Variants in RANBP9 observed in about 807,000 individuals in gnomAD.
RANBP9 encodes the protein ran-binding protein 9.
A neutral mutation model predicts 84.3 loss-of-function variants in RANBP9; 15 were observed. The observed-to-expected ratio is 0.18, with a 90% CI of 0.12 to 0.27. The LOEUF is 0.27. Ranked by LOEUF, RANBP9 falls within the 10% of genes least tolerant of loss-of-function variation. The pLI is 1.00. For synonymous variants in RANBP9, 392 were observed against 349.6 expected (o/e 1.12, Z -1.35); for missense variants, 809 against 912.8 (o/e 0.89, Z 1.46).
chr6:13,699,133 T>A (rs1328600283), intron 1 of RANBP9, among the ~76,000 whole-genome samples: 1 of 152,056 alleles, frequency 6.6e-6, no homozygotes, highest in East Asian at 1.9e-4. Context: ...AAAAATAAAA[T>A]GTTTACACAT....
chr6:13,667,478 T>G (rs1418914378), intron 2 of RANBP9, among the ~76,000 whole-genome samples: 1 of 152,202 alleles, frequency 6.6e-6, no homozygotes. Flanking sequence ...AAAACCTATT[T>G]ACAGTGATGT....
chr6:13,676,348 A>G (rs893127896), intron 2 of RANBP9, among the ~76,000 whole-genome samples: 8 of 152,122 alleles, frequency 5.3e-5, no homozygotes, highest in African/African-American at 1.9e-4. Context: ...CTGGGCCCAG[A>G]TGGCTTCAGG....
In RANBP9 at chr6:13,663,492, T is replaced by C. The variant is rs1408945244; in HGVS notation, c.684-4660A>G. Among the ~76,000 whole-genome samples, 9 of 152,202 alleles carry C rather than the reference T, an allele frequency of 5.9e-5. No homozygotes were observed. The South Asian group carries it at 1.2e-3, about 21-fold the overall frequency. On this transcript the variant is annotated intron_variant, in intron 2 of 13. Transcript: ENST00000011619. ...AACATGTATTGTGTAGTTTATAACA[T>C]ACCATAGATGTAATACATATGACAA... is the stretch of plus-strand genomic sequence containing the variant.
rs564549433 is a variant in RANBP9 at position 13,684,640 on chromosome 6, A to G, written c.683+12145T>C. Among the ~76,000 whole-genome samples the G allele has an allele frequency of 1.9e-3, 286 of 152,338 alleles. 2 individuals are homozygous for G. Among genetic ancestry groups the G allele is most frequent in the South Asian group, 3.5e-3 (17 of 4,824 alleles). ...CTCAATACCTTCACTTCTCTGATCA[A>G]TGAACATTTACTAAATATCTATGTG... On this transcript the variant is annotated intron_variant, in intron 2 of 13. Transcript: ENST00000011619.
chr6:13,703,926 C>G (rs1056151520), intron 1 of RANBP9, among the ~76,000 whole-genome samples: 14 of 152,310 alleles, frequency 9.2e-5, no homozygotes, highest in African/African-American at 2.4e-4. Context: ...TACTGTAATA[C>G]AGTCTCCTTC....
At chr6:13,653,189 G>C (rs1318694728) in intron 4 of RANBP9, among the ~76,000 whole-genome samples, 1 of 152,072 alleles carries the variant, frequency 6.6e-6, no homozygotes, top group Non-Finnish European at 1.5e-5. Context: ...TCTTATGAAA[G>C]TAAATTCTTT....
In RANBP9 at chr6:13,642,453, T is replaced by A. The variant is rs369410862; in HGVS notation, c.1225+26A>T. 1,002 of 1,287,186 alleles carry A rather than the reference T, an allele frequency of 7.8e-4. 1 individual carries two copies. Among genetic ancestry groups the A allele is most frequent in the Non-Finnish European group, 9.1e-4 (864 of 950,936 alleles). The allele number at this position is 1,287,186 out of a possible 1,614,324, so 79.7% of individuals were successfully genotyped here. A position where few individuals can be genotyped will look rare whatever the true frequency, so the allele number is the denominator to read the frequency against. On this transcript the variant is annotated intron_variant, in intron 7 of 13. Transcript: ENST00000011619. ...CAAATCTATAATCTGAAAACAAATG[T>A]TAGCCATGCACCACAGTGTCCTTAC... is the stretch of plus-strand genomic sequence containing the variant.
chr6:13,702,567 T>C (rs889066522), intron 1 of RANBP9, among the ~76,000 whole-genome samples: 8 of 152,190 alleles, frequency 5.3e-5, no homozygotes, highest in Non-Finnish European at 1.5e-5. Flanking sequence ...TAAAACAAGA[T>C]TGACTAAGAA....
chr6:13,639,315 A>T (rs1730263594), intron 9 of RANBP9, among the ~76,000 whole-genome samples: 3 of 152,104 alleles, frequency 2.0e-5, no homozygotes, highest in African/African-American at 4.8e-5. Context: ...AGTAGCTGGG[A>T]CTACAGGCAC....
chr6:13,656,064 G>GA (rs1426072070), intron 4 of RANBP9, among the ~76,000 whole-genome samples: 2 of 152,196 alleles, frequency 1.3e-5, no homozygotes, highest in South Asian at 2.1e-4. Flanking sequence ...AGCTGAATAT[G>GA]AAAAAAGTTA....
At chr6:13,642,619 C>CT in intron 6 of RANBP9, 28 bp from the exon 7 acceptor site, 1 of 1,448,714 alleles carries the variant, frequency 6.9e-7, no homozygotes, top group Non-Finnish European at 9.6e-7. Flanking sequence ...AAACATACAT[C>CT]TTTTAGTGAA....
chr6:13,688,499 ATTAG>A (rs1053218711), intron 2 of RANBP9, among the ~76,000 whole-genome samples: 7 of 152,030 alleles, frequency 4.6e-5, no homozygotes, highest in African/African-American at 1.7e-4. Flanking sequence ...ACTGGATTTT[ATTAG>A]TTACTTACAT....
intron 2 of RANBP9, among the ~76,000 whole-genome samples, chr6:13,663,479 G>A (rs1264586586): frequency 6.6e-6 from 1 of 152,078 alleles, no homozygotes; most frequent in Non-Finnish European, 1.5e-5. Flanking sequence ...CATGTATTGT[G>A]TAGTTTATAA....
At chr6:13,692,356 C>G (rs1766340994) in intron 2 of RANBP9, among the ~76,000 whole-genome samples, 1 of 149,700 alleles carries the variant, frequency 6.7e-6, no homozygotes, top group Non-Finnish European at 1.5e-5. Flanking sequence ...GCCAACATGG[C>G]AAAACACACT....
Position 13,625,684 on chromosome 6 carries a change from A to G in RANBP9, c.2028T>C (p.Pro676=), listed in dbSNP as rs3734673. The change falls in exon 13 of 14, where the codon CCT becomes CCC. Residue 676 remains proline (P), a synonymous_variant. Coordinates refer to ENST00000011619, the MANE Select transcript of RANBP9 (RefSeq NM_005493.3). ...TTGCACTGTTAAGAGCTGAGCACAC[A>G]GGTTCTCTCTGAATCGGGTCAAGCT... ...GNQLDPIQRE[P]VCSALNSAIL... is the part of the protein sequence containing the mutation. The G allele has an allele frequency of 1.0e-3, 1,693 of 1,612,532 alleles. 27 individuals carry two copies. The East Asian group carries it at 0.032, about 31-fold the overall frequency.
chr6:13,702,709 C>T (rs1033675493), intron 1 of RANBP9, among the ~76,000 whole-genome samples: 1 of 151,922 alleles, frequency 6.6e-6, no homozygotes, highest in African/African-American at 2.4e-5. Context: ...CACTATCAGC[C>T]GTTAAAAATT....
intron 2 of RANBP9, among the ~76,000 whole-genome samples, chr6:13,672,418 CT>C (rs1319207353): frequency 2.6e-5 from 4 of 152,092 alleles, no homozygotes; most frequent in East Asian, 3.9e-4. Context: ...AAGAAATAGA[CT>C]TTTTTTAATT....
intron 12 of RANBP9, among the ~76,000 whole-genome samples, chr6:13,626,099 A>ACC (rs1446598508): frequency 6.6e-6 from 1 of 152,150 alleles, no homozygotes; most frequent in East Asian, 1.9e-4. Context: ...TTACTTCACA[A>ACC]TTTATTACTA....
chr6:13,653,619 C>G (rs1231527988), intron 4 of RANBP9, among the ~76,000 whole-genome samples: 1 of 152,054 alleles, frequency 6.6e-6, no homozygotes. Flanking sequence ...TTTTTAAGGT[C>G]TCTTCCTACT....
Sources: gnomAD v4.1 joint callset for allele counts (sites outside exome capture counted in the v4.1 genomes callset) on GRCh38, gnomAD v4.1.1 for gene constraint, MANE v1.5 for transcripts, NCBI Gene and HGNC (gene_info 2026-07-23, HGNC 2026-07-21) for gene names.